ITPR1: variants seen among roughly 807,000 people sequenced by gnomAD.
ITPR1 encodes inositol 1,4,5-trisphosphate receptor type 1.
A neutral mutation model predicts 318.4 loss-of-function variants in ITPR1; 96 were observed. That is an observed-to-expected ratio of 0.30 (90% CI 0.26 to 0.36). The LOEUF (loss-of-function observed/expected upper bound fraction) is 0.36, where lower values mean the gene tolerates loss of function less well. Ranked by LOEUF, ITPR1 falls within the 10% of genes least tolerant of loss-of-function variation. The pLI is 1.00. For synonymous variants in ITPR1, 1,312 were observed against 1,289.9 expected (o/e 1.02, Z -0.37); for missense variants, 2,440 against 3,460.2 (o/e 0.71, Z 7.40).
At chr3:4,595,116 A>G (rs975421722) in intron 4 of ITPR1, among the ~76,000 whole-genome samples, 2 of 152,230 alleles carry the variant, frequency 1.3e-5, no homozygotes, top group African/African-American at 4.8e-5. Flanking sequence ...TGAGTCAAGT[A>G]TCATAATGAA....
intron 4 of ITPR1, among the ~76,000 whole-genome samples, chr3:4,607,804 CA>C (rs1049572220): frequency 7.7e-4 from 117 of 151,998 alleles, no homozygotes; most frequent in African/African-American, 2.5e-3. Flanking sequence ...AGATTTGCAA[CA>C]AAACTTGAAA....
At chr3:4,497,334 G>GTTC (rs72567181) in intron 2 of ITPR1, among the ~76,000 whole-genome samples, 14 of 150,396 alleles carry the variant, frequency 9.3e-5, no homozygotes, top group Non-Finnish European at 1.5e-4. Context: ...TGTTCAAGTT[G>GTTC]TGTGCGATTC....
intron 5 of ITPR1, among the ~76,000 whole-genome samples, chr3:4,633,502 A>T (rs1412910500): frequency 6.6e-6 from 1 of 152,202 alleles, no homozygotes; most frequent in African/African-American, 2.4e-5. Flanking sequence ...ATGCCATTTA[A>T]GGAATTAGTT....
intron 4 of ITPR1, among the ~76,000 whole-genome samples, chr3:4,599,738 G>A (rs1259834705): frequency 2.0e-5 from 3 of 152,196 alleles, no homozygotes; most frequent in Non-Finnish European, 4.4e-5. Flanking sequence ...TTTTGCAGCT[G>A]AGTTCTGCAG....
At chr3:4,791,969 A>G (rs1434208264) in intron 52 of ITPR1, among the ~76,000 whole-genome samples, 2 of 152,220 alleles carry the variant, frequency 1.3e-5, no homozygotes. Context: ...GGAGGTCAGA[A>G]GTCTGAAAAG....
At chr3:4,720,461 C>T (rs193219856) in intron 40 of ITPR1, among the ~76,000 whole-genome samples, 8 of 152,306 alleles carry the variant, frequency 5.3e-5, no homozygotes, top group Non-Finnish European at 1.0e-4. Context: ...GAAGTACTCC[C>T]GAGGTGGTGA....
At chr3:4,713,594 A>G (rs2041542285) in intron 39 of ITPR1, among the ~76,000 whole-genome samples, 1 of 152,206 alleles carries the variant, frequency 6.6e-6, no homozygotes, top group South Asian at 2.1e-4. Context: ...CTGGGAGAGC[A>G]TCCCAGACCC....
At chr3:4,629,141 C>T (rs949784667) in intron 5 of ITPR1, among the ~76,000 whole-genome samples, 1 of 152,206 alleles carries the variant, frequency 6.6e-6, no homozygotes, top group African/African-American at 2.4e-5. Flanking sequence ...TGCCTGGACC[C>T]TGCTGCCCCC....
chr3:4,732,833 G>C (rs1471880697), intron 42 of ITPR1, among the ~76,000 whole-genome samples: 1 of 152,102 alleles, frequency 6.6e-6, no homozygotes, highest in African/African-American at 2.4e-5. Flanking sequence ...CAAAATTACT[G>C]TTCTGTCTTA....
At chr3:4,745,805 A>G (rs2044063897) in intron 44 of ITPR1, among the ~76,000 whole-genome samples, 3 of 152,034 alleles carry the variant, frequency 2.0e-5, no homozygotes, top group Middle Eastern at 6.8e-3. Context: ...ACCCCATGAC[A>G]CTGTCATCTC....
At chr3:4,808,015 T>C (rs1343081863) in intron 55 of ITPR1, among the ~76,000 whole-genome samples, 1 of 152,242 alleles carries the variant, frequency 6.6e-6, no homozygotes, top group Non-Finnish European at 1.5e-5. Flanking sequence ...CTGCCTCCAG[T>C]TGGCTTGGCT....
intron 2 of ITPR1, among the ~76,000 whole-genome samples, 182 bp from the exon 3 acceptor site, chr3:4,516,294 A>G (rs1255456428): frequency 6.6e-6 from 1 of 152,216 alleles, no homozygotes; most frequent in Non-Finnish European, 1.5e-5. Context: ...ATACGGGGAA[A>G]AAGTGTTGTT....
chr3:4,779,003 T>C lies in ITPR1; in HGVS notation c.6292-547T>C, dbSNP rs528581520. On this transcript the variant is annotated intron_variant, in intron 48 of 61. Transcript: ENST00000649015. The surrounding 1 kb of genome is among the most constrained non-coding windows in gnomAD (Gnocchi z 4.0). ...AAATTAGGGCTTGGCCTGCATACAT[T>C]GTTCCTTTGGGTCACATTTGTTAAC... Among the ~76,000 whole-genome samples, 2 of 152,352 alleles carry C rather than the reference T, an allele frequency of 1.3e-5. No individual in the cohort carries two copies. Among genetic ancestry groups the C allele is most frequent in the South Asian group, 4.1e-4 (2 of 4,832 alleles).
At chr3:4,612,542 T>C (rs1404715838) in intron 4 of ITPR1, among the ~76,000 whole-genome samples, 1 of 151,998 alleles carries the variant, frequency 6.6e-6, no homozygotes, top group African/African-American at 2.4e-5. Flanking sequence ...CTGATCATTT[T>C]GAAGTACATG....
At chr3:4,755,404 A>T (rs1215027391) in intron 44 of ITPR1, among the ~76,000 whole-genome samples, 2 of 143,948 alleles carry the variant, frequency 1.4e-5, no homozygotes, top group African/African-American at 5.3e-5. Context: ...AATTAAAAAC[A>T]TTTTTTTTTT....
Position 4,627,524 on chromosome 3 carries a change from C to T in ITPR1, c.164-239C>T, listed in dbSNP as rs552764529. Among the ~76,000 whole-genome samples, 24 of 152,230 alleles carry T rather than the reference C, an allele frequency of 1.6e-4. No individual in the cohort carries two copies. The Middle Eastern group carries it at 0.014, about 86-fold the overall frequency. On this transcript the variant is annotated intron_variant, in intron 4 of 61. Transcript: ENST00000649015. ...AACACAAAACACTGAATTTGTACAG[C>T]TCTGCTACCAAGTGGTTCTGTAGAA...
chr3:4,540,652 A>C (rs1272053405), intron 4 of ITPR1, among the ~76,000 whole-genome samples: 1 of 151,864 alleles, frequency 6.6e-6, no homozygotes, highest in Non-Finnish European at 1.5e-5. Context: ...CAGTGGCTTG[A>C]TCTCGGCTTG....
intron 7 of ITPR1, 44 bp from the exon 8 acceptor site, chr3:4,644,092 C>T: frequency 7.5e-7 from 1 of 1,327,924 alleles, no homozygotes; most frequent in Non-Finnish European, 1.1e-6. Context: ...ATCCGCAGTC[C>T]TTATCAGTTT....
chr3:4,620,794 T>A (rs1393728216), intron 4 of ITPR1, among the ~76,000 whole-genome samples: 1 of 151,966 alleles, frequency 6.6e-6, no homozygotes, highest in Non-Finnish European at 1.5e-5. Context: ...TGAATTAAAT[T>A]ATTTTTTGAA....
Sources: gnomAD v4.1 joint callset for allele counts (sites outside exome capture counted in the v4.1 genomes callset) on GRCh38, gnomAD v4.1.1 for gene constraint, Gnocchi (gnomAD v3.1) non-coding constraint, MANE v1.5 for transcripts, NCBI Gene and HGNC (gene_info 2026-07-23, HGNC 2026-07-21) for gene names.